The following KREMEN1 variants were observed in gnomAD, a reference collection of about 807,000 sequenced individuals.
KREMEN1 encodes the protein kringle containing transmembrane protein 1, also known as kremen protein 1.
A neutral mutation model predicts 46.5 loss-of-function variants in KREMEN1; 30 were observed. That is an observed-to-expected ratio of 0.65 (90% CI 0.48 to 0.88). The LOEUF (loss-of-function observed/expected upper bound fraction) is 0.88, where lower values mean the gene tolerates loss of function less well. Ranked by LOEUF, KREMEN1 falls within the 40% of genes least tolerant of loss-of-function variation. The probability of loss-of-function intolerance (pLI) is 0.00; values close to 1 mark genes in which losing one functional copy is unlikely to be tolerated. For synonymous variants in KREMEN1, 214 were observed against 230.6 expected (o/e 0.93, Z 0.65); for missense variants, 533 against 596.9 (o/e 0.89, Z 1.11).
rs16987153 is a variant in KREMEN1, at chr22:29,144,142, G to C, written c.*2030G>C. The stretch of plus-strand genomic sequence containing the variant: ...ACAAGGCACTTGGGCCTGGGTGATT[G>C]TTGCGCCTCTGGCTTTGGCGTTTCC... On this transcript the variant is annotated 3_prime_UTR_variant, in exon 9 of 9. Transcript: ENST00000400335. 2.7e-3 allele frequency: 2,687 copies of C among 985,570 alleles called. 62 individuals are homozygous for C. In the African/African-American group the frequency reaches 0.044, roughly 16 times the overall value. The allele number at this position is 985,570 out of a possible 1,614,324, so 61.1% of individuals were successfully genotyped here.
chr22:29,078,969 G>A (rs1186902366), intron 1 of KREMEN1, among the ~76,000 whole-genome samples: 3 of 152,168 alleles, frequency 2.0e-5, no homozygotes, highest in Admixed American at 6.5e-5. Context: ...GCTGGAACCC[G>A]TAAGTATTAG....
chr22:29,100,989 C>T (rs770948592), intron 3 of KREMEN1, among the ~76,000 whole-genome samples: 13 of 152,194 alleles, frequency 8.5e-5, no homozygotes, highest in East Asian at 1.9e-4. Context: ...CGTTGGCTCA[C>T]GCCTGTAATC....
intron 3 of KREMEN1, among the ~76,000 whole-genome samples, chr22:29,103,571 G>C (rs559350202): frequency 6.6e-6 from 1 of 152,328 alleles, no homozygotes; most frequent in Non-Finnish European, 1.5e-5. Flanking sequence ...TTGCAGCCAG[G>C]AGAAATGCAG....
intron 2 of KREMEN1, among the ~76,000 whole-genome samples, chr22:29,097,209 C>T (rs1325511019): frequency 4.6e-5 from 7 of 152,226 alleles, no homozygotes; most frequent in Non-Finnish European, 1.0e-4. Context: ...GTCAGCTTTC[C>T]AGTGTTCTGA....
At chr22:29,139,880 G>A (rs930503429) in intron 7 of KREMEN1, among the ~76,000 whole-genome samples, 1 of 152,180 alleles carries the variant, frequency 6.6e-6, no homozygotes. Context: ...TTAGGCTGTG[G>A]TTCTCATAGG....
At chr22:29,087,016 G>A (rs5762983) in intron 1 of KREMEN1, among the ~76,000 whole-genome samples, 2 of 152,020 alleles carry the variant, frequency 1.3e-5, no homozygotes, top group African/African-American at 4.8e-5. Flanking sequence ...TCTTGTCTTA[G>A]CCTCCCAAAG....
intron 5 of KREMEN1, among the ~76,000 whole-genome samples, chr22:29,130,661 G>A (rs1319740990): frequency 6.6e-6 from 1 of 152,176 alleles, no homozygotes; most frequent in Non-Finnish European, 1.5e-5. Flanking sequence ...CTCAGCTGGG[G>A]TTCCGGGAAG....
At chr22:29,109,820 C>A (rs2038116305) in intron 3 of KREMEN1, among the ~76,000 whole-genome samples, 1 of 152,000 alleles carries the variant, frequency 6.6e-6, no homozygotes, top group Non-Finnish European at 1.5e-5. Context: ...AGCAGTGAGA[C>A]AAGACAGGAA....
In KREMEN1 at chr22:29,137,424, G is replaced by A. The variant is rs745974534; in HGVS notation, c.714G>A (p.Thr238=). The change falls in exon 6 of 9, where the codon ACG becomes ACA. Residue 238 remains threonine, a synonymous_variant. Coordinates refer to ENST00000400335, the MANE Select transcript of KREMEN1 (RefSeq NM_001039570.3). The part of the protein sequence containing the change: ...YSPDFPDTYA[T]GRVCYWTIRV... ...CTGACTTCCCCGACACCTATGCCAC[G>A]GGGAGGGTCTGCTACTGGACCATCC... The A allele has an allele frequency of 9.5e-6, 15 of 1,584,902 alleles. No homozygotes were observed. The highest frequency in any genetic ancestry group is 3.4e-5 in the Admixed American group (2 of 59,170).
At chr22:29,106,411 A>G (rs112937384) in intron 3 of KREMEN1, among the ~76,000 whole-genome samples, 1 of 148,744 alleles carries the variant, frequency 6.7e-6, no homozygotes, top group South Asian at 2.1e-4. Context: ...TTGTATTTTT[A>G]ATAGAGACGG....
At chr22:29,112,924 G>A (rs1418078254) in intron 3 of KREMEN1, among the ~76,000 whole-genome samples, 1 of 135,388 alleles carries the variant, frequency 7.4e-6, no homozygotes, top group African/African-American at 2.8e-5. Context: ...ACTAGACTTC[G>A]AGCCACACTT....
intron 1 of KREMEN1, among the ~76,000 whole-genome samples, chr22:29,093,668 C>A (rs924048672): frequency 1.3e-5 from 2 of 152,208 alleles, no homozygotes; most frequent in African/African-American, 4.8e-5. Flanking sequence ...TTTTGTTCCA[C>A]CTCTATCTCA....
Position 29,139,497 on chromosome 22 carries a change from G to A in KREMEN1, c.1123+715G>A, listed in dbSNP as rs1011036159. ...GCACGCTTGTGGTCCCAGCTACTTA[G>A]GAGGTTGAGGTGGGAGGATCGCTTG... On this transcript the variant is annotated intron_variant, in intron 7 of 8. Coordinates refer to ENST00000400335, the MANE Select transcript of KREMEN1 (RefSeq NM_001039570.3). Among the ~76,000 whole-genome samples, 23 of 152,182 alleles carry A rather than the reference G, an allele frequency of 1.5e-4. 1 individual carries two copies. Among genetic ancestry groups the A allele is most frequent in the African/African-American group, 5.5e-4 (23 of 41,442 alleles).
chr22:29,106,578 G>T (rs1285593229), intron 3 of KREMEN1, among the ~76,000 whole-genome samples: 1 of 152,112 alleles, frequency 6.6e-6, no homozygotes, highest in Non-Finnish European at 1.5e-5. Flanking sequence ...TAAGAAAATT[G>T]AGCCCAGATA....
At chr22:29,101,252 C>CAAAAAAAAAAAAAAAAAAAAAAAGAAAA in intron 3 of KREMEN1, among the ~76,000 whole-genome samples, 1 of 74,806 alleles carries the variant, frequency 1.3e-5, no homozygotes, top group Non-Finnish European at 2.4e-5. Context: ...AGTCTGTCTC[C>CAAAAAAAAAAAAAAAAAAAAAAAGAAAA]AAAAAAAAAA....
intron 8 of KREMEN1, among the ~76,000 whole-genome samples, chr22:29,140,742 A>C (rs999699474): frequency 2.0e-5 from 3 of 152,256 alleles, no homozygotes; most frequent in Non-Finnish European, 4.4e-5. Flanking sequence ...AAACATCCTT[A>C]GGAAGAGAAT....
chr22:29,082,654 A>G (rs557014838), intron 1 of KREMEN1, among the ~76,000 whole-genome samples: 2 of 152,312 alleles, frequency 1.3e-5, no homozygotes, highest in South Asian at 4.1e-4. Context: ...TACAAAGGTG[A>G]GTAAGATGCT....
In KREMEN1 at chr22:29,167,083, CA is replaced by C; in HGVS notation, c.1457del (p.Gln486ArgfsTer13). The C allele has an allele frequency of 1.3e-6, 2 of 1,551,720 alleles. No individual in the cohort carries two copies. Among genetic ancestry groups the C allele is most frequent in the Non-Finnish European group, 1.7e-6 (2 of 1,146,994 alleles). On this transcript the variant is annotated frameshift_variant, in exon 10 of 10. Transcript: ENST00000327813. LOFTEE classifies it high-confidence loss of function. Reference sequence around the variant, plus strand: ...GGAAGTGACATCACTCATCTGGTCTCAGGGGCAGCCCAGAAGTATCTGACTG... The same window carrying C: ...GGAAGTGACATCACTCATCTGGTCTCGGGGCAGCCCAGAAGTATCTGACTG...
At chr22:29,112,849 C>T (rs2038173789) in intron 3 of KREMEN1, among the ~76,000 whole-genome samples, 1 of 152,168 alleles carries the variant, frequency 6.6e-6, no homozygotes, top group Non-Finnish European at 1.5e-5. Context: ...AAGGGTGGGA[C>T]ACGATCTAGA....
Sources: gnomAD v4.1 joint callset for allele counts (sites outside exome capture counted in the v4.1 genomes callset) on GRCh38, gnomAD v4.1.1 for gene constraint, MANE v1.5 for transcripts, NCBI Gene and HGNC (gene_info 2026-07-23, HGNC 2026-07-21) for gene names.